The following RBPJ variants were observed in gnomAD, a reference collection of about 807,000 sequenced individuals.
RBPJ encodes the protein recombining binding protein suppressor of hairless.
In RBPJ, 9 loss-of-function variants were observed where a neutral mutation model predicts 67.8. The ratio of observed to expected loss-of-function variants is 0.13; its 90% CI spans 0.08 to 0.23. The LOEUF is 0.23. Ranked by LOEUF, RBPJ falls within the 10% of genes least tolerant of loss-of-function variation. The pLI is 1.00. For synonymous variants in RBPJ, 198 were observed against 203.3 expected (o/e 0.97, Z 0.22); for missense variants, 305 against 595.6 (o/e 0.51, Z 5.08).
At chr4:26,342,724 C>G (rs1392245785) in intron 1 of RBPJ, among the ~76,000 whole-genome samples, 1 of 152,018 alleles carries the variant, frequency 6.6e-6, no homozygotes, top group Non-Finnish European at 1.5e-5. Flanking sequence ...AGGGTTTGTG[C>G]AAAAAACACA....
intron 2 of RBPJ, among the ~76,000 whole-genome samples, chr4:26,398,070 T>TTG (rs10535928): frequency 0.014 from 2,092 of 150,848 alleles, 27 homozygotes; most frequent in African/African-American, 0.037. Flanking sequence ...ACGAGTGATA[T>TTG]TGTGTGTGTG....
At chr4:26,122,425 G>T in the RBPJ span, among the ~76,000 whole-genome samples, 1 of 152,198 alleles carries the variant, frequency 6.6e-6, no homozygotes, top group African/African-American at 2.4e-5. Flanking sequence ...TTTCTGGCAG[G>T]CCAGAGAGCG....
At chr4:26,163,055 G>A (rs1472164485), upstream of RBPJ, among the ~76,000 whole-genome samples, 1 of 152,158 alleles carries the variant, frequency 6.6e-6, no homozygotes, top group Non-Finnish European at 1.5e-5. Context: ...TTCAGAGCTA[G>A]GAGATTGGGA....
chr4:26,131,819 A>G, the RBPJ span, among the ~76,000 whole-genome samples: 21 of 151,990 alleles, frequency 1.4e-4, no homozygotes, highest in African/African-American at 5.1e-4. Context: ...TTTTGAAACC[A>G]CCCCATTTGT....
intron 1 of RBPJ, among the ~76,000 whole-genome samples, chr4:26,237,692 A>G (rs533970478): frequency 6.6e-6 from 1 of 152,226 alleles, no homozygotes; most frequent in East Asian, 1.9e-4. Flanking sequence ...AATCACTTCA[A>G]TTTTTTGACC....
At chr4:26,214,483 A>G (rs1196498525) in intron 1 of RBPJ, among the ~76,000 whole-genome samples, 1 of 97,882 alleles carries the variant, frequency 1.0e-5, no homozygotes, top group Non-Finnish European at 2.0e-5. Flanking sequence ...AAGAGAAACA[A>G]GGAGGGAAGG....
intron 1 of RBPJ, among the ~76,000 whole-genome samples, chr4:26,228,260 C>T (rs1719148205): frequency 6.6e-6 from 1 of 152,206 alleles, no homozygotes; most frequent in Non-Finnish European, 1.5e-5. Flanking sequence ...CCATTGCTCC[C>T]CATTTTGCCA....
At chr4:26,162,691 C>T (rs28582577), upstream of RBPJ, among the ~76,000 whole-genome samples, 1 of 152,014 alleles carries the variant, frequency 6.6e-6, no homozygotes, top group Non-Finnish European at 1.5e-5. Context: ...GGTGGCAAGA[C>T]CACGATGTCT....
At chr4:26,109,666 C>CTA in the RBPJ span, among the ~76,000 whole-genome samples, 2 of 47,054 alleles carry the variant, frequency 4.3e-5, no homozygotes, top group Non-Finnish European at 8.1e-5. Context: ...CTCTCTCTCT[C>CTA]TCTATATATA....
At chr4:26,402,880 C>T (rs1351798347) in intron 2 of RBPJ, among the ~76,000 whole-genome samples, 1 of 152,060 alleles carries the variant, frequency 6.6e-6, no homozygotes, top group Non-Finnish European at 1.5e-5. Context: ...CTTGGAGGTC[C>T]CAGGGGCACT....
chr4:26,263,253 T>G (rs889258367), intron 1 of RBPJ, among the ~76,000 whole-genome samples: 2 of 152,178 alleles, frequency 1.3e-5, no homozygotes, highest in Non-Finnish European at 2.9e-5. Flanking sequence ...TCAGAGCCAC[T>G]TTCATCCACA....
chr4:26,116,076 C>T, the RBPJ span, among the ~76,000 whole-genome samples: 1 of 152,216 alleles, frequency 6.6e-6, no homozygotes, highest in Admixed American at 6.5e-5. Context: ...GCATCATGTT[C>T]TCATTCAATA....
intron 1 of RBPJ, among the ~76,000 whole-genome samples, chr4:26,358,906 A>G (rs60621333): frequency 0.018 from 2,808 of 152,232 alleles, 97 homozygotes; most frequent in African/African-American, 0.063. Context: ...CCTTACATGT[A>G]TTAAGTCTTT....
At chr4:26,106,629 G>C in the RBPJ span, among the ~76,000 whole-genome samples, 2 of 152,148 alleles carry the variant, frequency 1.3e-5, no homozygotes, top group African/African-American at 4.8e-5. Context: ...ATGTTTATGG[G>C]AGATTCTGTG....
rs1719646417 is a variant in RBPJ, at chr4:26,241,818, TTCTC to T, written c.-167+78208_-167+78211del. Among the ~76,000 whole-genome samples the T allele has an allele frequency of 3.3e-5, 5 of 152,180 alleles. No individual in the cohort carries two copies. The South Asian group carries it at 1.0e-3, about 32-fold the overall frequency. On this transcript the variant is annotated intron_variant, in intron 1 of 4. Coordinates refer to the RBPJ transcript ENST00000512351. ...TGAGCCGCTAAGCCTGGCCCTAACC[TTCTC>T]TCTTAATAGTATGATCATTAAACTC... is the stretch of plus-strand genomic sequence containing the variant.
the RBPJ span, among the ~76,000 whole-genome samples, chr4:26,136,651 A>C: frequency 6.6e-6 from 1 of 152,178 alleles, no homozygotes; most frequent in Non-Finnish European, 1.5e-5. Flanking sequence ...CAGAAAAGAA[A>C]AGTTATCATA....
At chr4:26,355,047 T>C (rs1254700228) in intron 1 of RBPJ, among the ~76,000 whole-genome samples, 1 of 152,166 alleles carries the variant, frequency 6.6e-6, no homozygotes, top group East Asian at 1.9e-4. Context: ...TTTAATATTG[T>C]CTCCTGCCGT....
At chr4:26,162,222 C>G (rs73809221), upstream of RBPJ, among the ~76,000 whole-genome samples, 1,805 of 152,288 alleles carry the variant, frequency 0.012, 36 homozygotes, top group African/African-American at 0.042. Context: ...TACCCTGGAA[C>G]ACAGGGTGGT....
At chr4:26,146,905 C>CCCT in the RBPJ span, among the ~76,000 whole-genome samples, 6 of 152,174 alleles carry the variant, frequency 3.9e-5, no homozygotes, top group African/African-American at 1.4e-4. Flanking sequence ...AATGGGAGCA[C>CCCT]CCTCCAGGCA....
Sources: gnomAD v4.1 joint callset for allele counts (sites outside exome capture counted in the v4.1 genomes callset) on GRCh38, gnomAD v4.1.1 for gene constraint, MANE v1.5 for transcripts, NCBI Gene and HGNC (gene_info 2026-07-23, HGNC 2026-07-21) for gene names.